DYNC1H1: variants seen among roughly 807,000 people sequenced by gnomAD.
DYNC1H1 encodes cytoplasmic dynein 1 heavy chain 1.
In DYNC1H1, 51 loss-of-function variants were observed where a neutral mutation model predicts 527.1. The observed-to-expected ratio is 0.10, with a 90% CI of 0.08 to 0.12. DYNC1H1 has a LOEUF of 0.12. Ranked by LOEUF, DYNC1H1 falls within the 10% of genes least tolerant of loss-of-function variation. DYNC1H1 has a pLI of 1.00. For synonymous variants in DYNC1H1, 2,189 were observed against 2,278.8 expected (o/e 0.96, Z 1.12); for missense variants, 2,771 against 5,971.8 (o/e 0.46, Z 17.66).
At position 102,049,329 on chromosome 14, in the gene DYNC1H1, G is replaced by A. The variant is rs1387331177; in HGVS notation, c.13373-111G>A. ...CCTGGGAAAGGCAGTAGGTGGAGCCGCCAGCCGCCTGTGTGGGCAGCCAGG... is the reference window on the plus strand; with the variant it reads ...CCTGGGAAAGGCAGTAGGTGGAGCCACCAGCCGCCTGTGTGGGCAGCCAGG... On this transcript the variant is annotated intron_variant, in intron 74 of 77. Coordinates refer to ENST00000360184, the MANE Select transcript of DYNC1H1 (RefSeq NM_001376.5). This position sits in a 1 kb window ranked among gnomAD's most constrained non-coding sequence, Gnocchi z 5.5. 34 of 1,527,454 alleles carry A rather than the reference G, an allele frequency of 2.2e-5. No individual in the cohort carries two copies. In the Admixed American group the frequency reaches 2.9e-4, roughly 13 times the overall value. The allele number at this position is 1,527,454 out of a possible 1,614,324, so 94.6% of individuals were successfully genotyped here. A position where few individuals can be genotyped will look rare whatever the true frequency, so the allele number is the denominator to read the frequency against.
chr14:101,988,386 C>G (rs955202816), intron 9 of DYNC1H1, among the ~76,000 whole-genome samples: 1 of 152,178 alleles, frequency 6.6e-6, no homozygotes, highest in African/African-American at 2.4e-5. Flanking sequence ...AGCACACTTA[C>G]CAATCCACGC....
At chr14:101,994,614 G>A in intron 12 of DYNC1H1, 59 bp from the exon 13 acceptor site, 1 of 1,594,892 alleles carries the variant, frequency 6.3e-7, no homozygotes, top group South Asian at 1.1e-5. Flanking sequence ...CATAAGAGGT[G>A]CCAGTATTCT....
intron 69 of DYNC1H1, chr14:102,043,135 T>G (rs561689923): frequency 2.0e-4 from 67 of 330,582 alleles, no homozygotes; most frequent in African/African-American, 1.4e-3. Context: ...TATAAAAAAT[T>G]AGCCAGGCGT....
Position 102,017,831 on chromosome 14 carries a change from G to A in DYNC1H1, c.8177+327G>A, listed in dbSNP as rs1379407930. 3 of 377,206 alleles carry A rather than the reference G, an allele frequency of 8.0e-6. No individual in the cohort carries two copies. Among genetic ancestry groups the A allele is most frequent in the Non-Finnish European group, 1.5e-5 (3 of 197,866 alleles). 23.4% of individuals were successfully genotyped at this position (377,206 alleles called of 1,614,324 possible). A position where few individuals can be genotyped will look rare whatever the true frequency, so the allele number is the denominator to read the frequency against. ...AATACAAAAACAAAATTAAGGCCGGGCGTGGTGGCTTACGCCTGTAATCCC... is the reference window on the plus strand; with the variant it reads ...AATACAAAAACAAAATTAAGGCCGGACGTGGTGGCTTACGCCTGTAATCCC... On this transcript the variant is annotated intron_variant, in intron 40 of 77. Transcript: ENST00000360184. This position sits in a 1 kb window ranked among gnomAD's most constrained non-coding sequence, Gnocchi z 4.6.
rs775125576 is a variant in DYNC1H1, at chr14:102,001,624, C to T, written c.4485C>T (p.Asn1495=). Residue 1495 remains asparagine, a synonymous_variant, in exon 21 of 78, where the codon AAC becomes AAT. Transcript: ENST00000360184. This position sits in a 1 kb window ranked among gnomAD's most constrained non-coding sequence, Gnocchi z 5.0. The part of the protein sequence containing the change: ...RLIRGWDDLF[N]KVKEHINSVS... ...TCCGTGGCTGGGATGACCTCTTCAACAAGGTCAAAGAACACATCAACAGCG... is the reference window on the plus strand; with the variant it reads ...TCCGTGGCTGGGATGACCTCTTCAATAAGGTCAAAGAACACATCAACAGCG... 6.2e-7 allele frequency: 1 copy of T among 1,614,200 alleles called. No homozygotes were observed. The highest frequency in any genetic ancestry group is 8.5e-7 in the Non-Finnish European group (1 of 1,180,038).
intron 28 of DYNC1H1, among the ~76,000 whole-genome samples, chr14:102,007,356 T>C (rs1342845457): frequency 6.6e-6 from 1 of 152,236 alleles, no homozygotes; most frequent in Non-Finnish European, 1.5e-5. Flanking sequence ...TTTTCTAAAA[T>C]GTCAGTTTTT....
At chr14:102,000,231 A>T in intron 17 of DYNC1H1, 55 bp from the exon 18 acceptor site, 2 of 1,614,110 alleles carry the variant, frequency 1.2e-6, no homozygotes, top group Non-Finnish European at 1.7e-6. Flanking sequence ...GCCCTGCCAG[A>T]TTCTGGGGTG....
chr14:102,002,800 C>G lies in DYNC1H1; in HGVS notation c.4718C>G (p.Thr1573Ser). 1 of 1,614,242 alleles carries G rather than the reference C, an allele frequency of 6.2e-7. No individual in the cohort carries two copies. Among genetic ancestry groups the G allele is most frequent in the Non-Finnish European group, 8.5e-7 (1 of 1,180,046 alleles). ...VETQRFQSIS[T>S]EFLALMKKVS... ...TTTAATTTCATTTGTAGCATCAGCA[C>G]TGAGTTTTTGGCTCTAATGAAAAAA... The change falls in exon 23 of 78, where the codon ACT (threonine) becomes AGT (serine). Residue 1573 changes from threonine to serine, a missense_variant. Physicochemically the swap from Thr to Ser is moderately conservative, Grantham distance 58. Around this residue, in one of 32 missense-constraint regions of DYNC1H1, gnomAD observed 51 missense variants for 189.2 expected, o/e 0.27. Coordinates refer to ENST00000360184, the MANE Select transcript of DYNC1H1 (RefSeq NM_001376.5). This position sits in a 1 kb window ranked among gnomAD's most constrained non-coding sequence, Gnocchi z 4.4.
At chr14:102,026,741 G>A (rs775157634) in intron 44 of DYNC1H1, 34 bp downstream of exon 44, 12 of 1,607,660 alleles carry the variant, frequency 7.5e-6, no homozygotes, top group South Asian at 3.3e-5. Context: ...CCCACCTCTC[G>A]CCTAAGCTGC....
In DYNC1H1 at chr14:102,012,202, C is replaced by A; in HGVS notation, c.6857+89C>A. The A allele has an allele frequency of 6.2e-7, 1 of 1,611,218 alleles. No individual in the cohort carries two copies. The highest frequency in any genetic ancestry group is 1.1e-5 in the South Asian group (1 of 90,814). On this transcript the variant is annotated intron_variant, in intron 33 of 77. Transcript: ENST00000360184. The surrounding 1 kb of genome is among the most constrained non-coding windows in gnomAD (Gnocchi z 4.9). ...CAAGAGCAGAGTATACGTTATTTTT[C>A]AACCAAAGTCTGAGCAAATTAAAGG... is the stretch of plus-strand genomic sequence containing the variant.
intron 8 of DYNC1H1, 134 bp from the exon 9 acceptor site, chr14:101,987,319 C>A: frequency 9.8e-7 from 1 of 1,016,228 alleles, no homozygotes; most frequent in Non-Finnish European, 1.5e-6. Flanking sequence ...ACCCCAGCAG[C>A]TAGGATTAGC....
In DYNC1H1 at chr14:102,039,824, TTTTCTCTTTTA is replaced by T; in HGVS notation, c.11690+96_11690+106del. ...ATACATGCTTTTATTATTTCTTTTATTTTCTCTTTTATTTTCTTTATTTTATTTTTTGAGAC... is the reference window on the plus strand; with the variant it reads ...ATACATGCTTTTATTATTTCTTTTATTTTTCTTTATTTTATTTTTTGAGAC... On this transcript the variant is annotated intron_variant, in intron 62 of 77. Coordinates refer to ENST00000360184, the MANE Select transcript of DYNC1H1 (RefSeq NM_001376.5). This position sits in a 1 kb window ranked among gnomAD's most constrained non-coding sequence, Gnocchi z 7.0. 2.9e-6 allele frequency: 4 copies of T among 1,388,128 alleles called. No individual in the cohort carries two copies. Among genetic ancestry groups the T allele is most frequent in the Non-Finnish European group, 4.0e-6 (4 of 1,009,808 alleles). 86.0% of individuals were successfully genotyped at this position (1,388,128 alleles called of 1,614,324 possible). A position where few individuals can be genotyped will look rare whatever the true frequency, so the allele number is the denominator to read the frequency against.
At chr14:101,992,467 T>C (rs887571638) in intron 11 of DYNC1H1, among the ~76,000 whole-genome samples, 1 of 152,218 alleles carries the variant, frequency 6.6e-6, no homozygotes, top group Non-Finnish European at 1.5e-5. Flanking sequence ...TACTCCTGTT[T>C]TTAACCAGCC....
rs377176132 is a variant in DYNC1H1 at position 102,001,374 on chromosome 14, G to T, written c.4395+20G>T. ...AAGCAGGCGAGTAATAGGACTGAAC[G>T]GCTGCTTTACGTTGTGTTTCGGGCT... On this transcript the variant is annotated intron_variant, in intron 20 of 77. Transcript: ENST00000360184. This position sits in a 1 kb window ranked among gnomAD's most constrained non-coding sequence, Gnocchi z 5.0. The T allele has an allele frequency of 1.2e-6, 2 of 1,613,840 alleles. No individual in the cohort carries two copies. Among genetic ancestry groups the T allele is most frequent in the African/African-American group, 2.7e-5 (2 of 74,894 alleles).
chr14:101,999,986 C>T lies in DYNC1H1; in HGVS notation c.3805-3C>T. 6.2e-7 allele frequency: 1 copy of T among 1,614,196 alleles called. No homozygotes were observed. Among genetic ancestry groups the T allele is most frequent in the Non-Finnish European group, 8.5e-7 (1 of 1,180,046 alleles). Reference sequence around the variant, plus strand: ...CAATTCTCTGTGCTCTGACTGCTTTCAGGGCAACCTTCGCCCAGAAGAGGC... The same window carrying T: ...CAATTCTCTGTGCTCTGACTGCTTTTAGGGCAACCTTCGCCCAGAAGAGGC... On this transcript the variant is annotated splice_region_variant and splice_polypyrimidine_tract_variant and intron_variant, in intron 16 of 77. Coordinates refer to ENST00000360184, the MANE Select transcript of DYNC1H1 (RefSeq NM_001376.5).
chr14:102,029,012 C>A lies in DYNC1H1; in HGVS notation c.9469-527C>A, dbSNP rs1338167788. ...TGATAGAAGAATTCAGTCTACTCCT[C>A]CCTCCCAGAAGAGCTTTGTGAAATC... On this transcript the variant is annotated intron_variant, in intron 48 of 77. Transcript: ENST00000360184. This position sits in a 1 kb window ranked among gnomAD's most constrained non-coding sequence, Gnocchi z 5.3. The A allele has an allele frequency of 5.7e-6, 1 of 176,550 alleles. No individual in the cohort carries two copies. The highest frequency in any genetic ancestry group is 1.3e-4 in the South Asian group (1 of 7,836). The allele number at this position is 176,550 out of a possible 1,614,324, so 10.9% of individuals were successfully genotyped here.
At position 102,042,147 on chromosome 14, in the gene DYNC1H1, A is replaced by C. The variant is rs1274970778; in HGVS notation, c.12214+23A>C. 1.9e-6 allele frequency: 3 copies of C among 1,613,930 alleles called. No individual in the cohort carries two copies. Among genetic ancestry groups the C allele is most frequent in the Non-Finnish European group, 2.5e-6 (3 of 1,180,010 alleles). ...TCGGTAAGGATGCTTGAGGGGCTTC[A>C]TGGGCTGGAGCCCTGCAGGATTTGT... On this transcript the variant is annotated intron_variant, in intron 66 of 77. Coordinates refer to ENST00000360184, the MANE Select transcript of DYNC1H1 (RefSeq NM_001376.5). The surrounding 1 kb of genome is among the most constrained non-coding windows in gnomAD (Gnocchi z 5.7).
chr14:101,968,923 C>T (rs542201934), intron 1 of DYNC1H1, among the ~76,000 whole-genome samples: 55 of 152,322 alleles, frequency 3.6e-4, no homozygotes, highest in African/African-American at 1.3e-3. Flanking sequence ...ATCTCCAACA[C>T]AACATATCAC....
Position 101,987,552 on chromosome 14 carries a change from A to C in DYNC1H1, c.2638A>C (p.Arg880=). ...TAAGACATTCTCGGAAATCTTGAAC[A>C]GAGTCCAGAAAGCAGTGGATGACTT... ...DHKTFSEILN[R]VQKAVDDLNL... Residue 880 remains arginine, a synonymous_variant, in exon 9 of 78, where the codon AGA becomes CGA. Coordinates refer to ENST00000360184, the MANE Select transcript of DYNC1H1 (RefSeq NM_001376.5). 6.2e-7 allele frequency: 1 copy of C among 1,614,212 alleles called. No homozygotes were observed. The highest frequency in any genetic ancestry group is 8.5e-7 in the Non-Finnish European group (1 of 1,180,038).
Sources: allele counts gnomAD v4.1 joint callset (sites outside exome capture counted in the v4.1 genomes callset), GRCh38; gene constraint gnomAD v4.1.1; regional missense constraint gnomAD v4.1.1; non-coding constraint Gnocchi (gnomAD v3.1); transcripts MANE v1.5; gene names NCBI Gene and HGNC (gene_info 2026-07-23, HGNC 2026-07-21).